Variants in SF1 observed in about 807,000 individuals in gnomAD.
SF1 encodes branch point-binding protein.
A neutral mutation model predicts 62.5 loss-of-function variants in SF1; 7 were observed. The observed-to-expected ratio is 0.11, with a 90% CI of 0.06 to 0.21. SF1 has a LOEUF of 0.21. Ranked by LOEUF, SF1 falls within the 10% of genes least tolerant of loss-of-function variation. The pLI, the probability that SF1 is intolerant of heterozygous loss-of-function variation, is 1.00. For missense variants in SF1, 578 were observed against 884.0 expected, an observed-to-expected ratio of 0.65 and a Z score of 4.39; for synonymous variants, 394 against 323.6, an observed-to-expected ratio of 1.22 and a Z score of -2.33.
chr11:64,773,510 A>G lies in SF1; in HGVS notation c.161-5T>C, dbSNP rs764271632. The G allele has an allele frequency of 6.2e-7, 1 of 1,610,828 alleles. No individual in the cohort carries two copies. Among genetic ancestry groups the G allele is most frequent in the Non-Finnish European group, 8.5e-7 (1 of 1,179,114 alleles). On this transcript the variant is annotated splice_polypyrimidine_tract_variant and splice_region_variant and intron_variant, in intron 2 of 12. Coordinates refer to ENST00000377390, the MANE Select transcript of SF1 (RefSeq NM_004630.4). ...GGTCTTCTATCTGCAGTTGCACTGG[A>G]AGAAACCAGGTTAGGAAAGAAAAAA...
intron 1 of SF1, among the ~76,000 whole-genome samples, chr11:64,776,976 A>T (rs1939375920): frequency 6.6e-6 from 1 of 152,220 alleles, no homozygotes; most frequent in Non-Finnish European, 1.5e-5. Flanking sequence ...AGGGGAGACA[A>T]AAATACACTG....
chr11:64,772,561 A>C (rs1938496489), intron 3 of SF1: 1 of 985,236 alleles, frequency 1.0e-6, no homozygotes, highest in South Asian at 4.7e-5. Context: ...CAAAAACCAA[A>C]AACACTACTT....
intron 1 of SF1, chr11:64,777,877 C>T: frequency 4.3e-6 from 4 of 932,624 alleles, no homozygotes; most frequent in Non-Finnish European, 5.1e-6. Context: ...CCTCCCCGTG[C>T]GCGCACGCGC....
chr11:64,771,439 C>G (rs1938308259), intron 3 of SF1: 1 of 984,964 alleles, frequency 1.0e-6, no homozygotes, highest in Non-Finnish European at 1.2e-6. Flanking sequence ...AAAAAACATA[C>G]TGAAAGTAAT....
chr11:64,772,589 T>A, intron 3 of SF1: 1 of 985,258 alleles, frequency 1.0e-6, no homozygotes, highest in Non-Finnish European at 1.2e-6. Flanking sequence ...CAAAGTCTTT[T>A]CAACTATTCT....
At chr11:64,767,147 C>T (rs758842037) in intron 11 of SF1, 45 bp downstream of exon 11, 1 of 1,613,354 alleles carries the variant, frequency 6.2e-7, no homozygotes, top group Non-Finnish European at 8.5e-7. Context: ...AACCCCCACT[C>T]ACCCAAGCCT....
At chr11:64,778,316 C>T in intron 1 of SF1, 46 bp downstream of exon 1, 2 of 1,223,336 alleles carry the variant, frequency 1.6e-6, no homozygotes, top group South Asian at 4.1e-5. Flanking sequence ...CTCGAAGCCT[C>T]CTTTGGGCCC....
In SF1 at chr11:64,767,570, C is replaced by T; in HGVS notation, c.1342+1G>A. ...AGGTTTCTGGTCTGACACTTACTTACCCATTGGAGGAGGGCCATGGTGCCC... is the reference window on the plus strand; with the variant it reads ...AGGTTTCTGGTCTGACACTTACTTATCCATTGGAGGAGGGCCATGGTGCCC... On this transcript the variant is annotated splice_donor_variant, in intron 10 of 12. Coordinates refer to ENST00000377390, the MANE Select transcript of SF1 (RefSeq NM_004630.4). LOFTEE classifies it high-confidence loss of function. 1 of 1,549,762 alleles carries T rather than the reference C, an allele frequency of 6.5e-7. No homozygotes were observed.
chr11:64,777,739 A>T, intron 1 of SF1: 3 of 985,686 alleles, frequency 3.0e-6, no homozygotes, highest in Non-Finnish European at 3.6e-6. Context: ...TGCGCCGCAC[A>T]GCCCGGCCAC....
In SF1 at chr11:64,765,408, C is replaced by T; in HGVS notation, c.*410G>A. 1.4e-6 allele frequency: 2 copies of T among 1,415,420 alleles called. No individual in the cohort carries two copies. The highest frequency in any genetic ancestry group is 2.0e-6 in the Non-Finnish European group (2 of 1,000,732). 87.7% of individuals were successfully genotyped at this position (1,415,420 alleles called of 1,614,324 possible). ...AATAACTCAGGCTGCTTTGCCGAAC[C>T]ATCCTGTCCACCAGGGGCGTTGCTG... On this transcript the variant is annotated 3_prime_UTR_variant, in exon 13 of 13. Coordinates refer to ENST00000377390, the MANE Select transcript of SF1 (RefSeq NM_004630.4).
At chr11:64,778,094 TGCGGCG>T (rs1939672881) in intron 1 of SF1, 1 of 918,400 alleles carries the variant, frequency 1.1e-6, no homozygotes, top group Non-Finnish European at 1.3e-6. Flanking sequence ...AGGGGGCGGC[TGCGGCG>T]GCGGGTACGA....
chr11:64,771,762 A>C, intron 3 of SF1: 1 of 985,046 alleles, frequency 1.0e-6, no homozygotes, highest in Non-Finnish European at 1.2e-6. Context: ...TTACTGTGCA[A>C]GTTAAGCAGC....
At chr11:64,777,066 T>G (rs1939392509) in intron 1 of SF1, among the ~76,000 whole-genome samples, 1 of 152,198 alleles carries the variant, frequency 6.6e-6, no homozygotes, top group African/African-American at 2.4e-5. Flanking sequence ...GTCACTTTTG[T>G]ACGAGAGGCC....
chr11:64,766,865 C>CAA, intron 12 of SF1, 35 bp downstream of exon 12: 4 of 898,482 alleles, frequency 4.5e-6, no homozygotes, highest in Non-Finnish European at 6.5e-6. Flanking sequence ...ACCCCCATCC[C>CAA]ACCCACCCCC....
intron 2 of SF1, 57 bp downstream of exon 2, chr11:64,776,441 G>C: frequency 6.5e-7 from 1 of 1,545,812 alleles, no homozygotes; most frequent in Non-Finnish European, 8.8e-7. Context: ...TGCAGATCTT[G>C]CTCAGAATAA....
At chr11:64,769,197 C>T (rs528224468) in intron 7 of SF1, 26 bp downstream of exon 7, 149 of 1,610,978 alleles carry the variant, frequency 9.2e-5, no homozygotes, top group Non-Finnish European at 1.2e-4. Context: ...CAGGTCTCTA[C>T]ACTCTCCTTT....
Position 64,769,444 on chromosome 11 carries a change from G to A in SF1, c.645C>T (p.Val215=), listed in dbSNP as rs906490473. The change falls in exon 6 of 13, where the codon GTC becomes GTT. Residue 215 remains valine, a synonymous_variant. Coordinates refer to ENST00000377390, the MANE Select transcript of SF1 (RefSeq NM_004630.4). ...ALVTANTMEN[V]KKAVEQIRNI... is the part of the protein sequence containing the mutation. ...CGCTCACCTGTTCCACTGCCTTTTT[G>A]ACGTTCTCCATTGTATTGGCAGTAA... 1 of 1,614,092 alleles carries A rather than the reference G, an allele frequency of 6.2e-7. No individual in the cohort carries two copies. Among genetic ancestry groups the A allele is most frequent in the African/African-American group, 1.3e-5 (1 of 75,032 alleles).
intron 1 of SF1, chr11:64,777,897 G>A (rs1337067531): frequency 8.5e-6 from 8 of 941,468 alleles, no homozygotes; most frequent in Non-Finnish European, 7.6e-6. Context: ...CGCCCCTGCC[G>A]CGTGCAGCCG....
chr11:64,766,859 C>T, intron 12 of SF1, 41 bp downstream of exon 12: 1 of 604,400 alleles, frequency 1.7e-6, no homozygotes, highest in Non-Finnish European at 2.9e-6. Context: ...AGCCCCACCC[C>T]CATCCCACCC....
Sources: allele counts gnomAD v4.1 joint callset (sites outside exome capture counted in the v4.1 genomes callset), GRCh38; gene constraint gnomAD v4.1.1; transcripts MANE v1.5; gene names NCBI Gene and HGNC (gene_info 2026-07-23, HGNC 2026-07-21).